Variants in DIDO1 observed in about 807,000 individuals in gnomAD.
DIDO1 encodes the protein death inducer-obliterator 1, also known as death-inducer obliterator 1.
A neutral mutation model predicts 99.4 loss-of-function variants in DIDO1; 16 were observed. That is an observed-to-expected ratio of 0.16 (90% CI 0.11 to 0.24). The LOEUF is 0.24. DIDO1 is among the 10% of genes least tolerant of loss of function. The pLI, the probability that DIDO1 is intolerant of heterozygous loss-of-function variation, is 1.00. For missense variants in DIDO1, 2,996 were observed against 3,014.0 expected (o/e 0.99, Z 0.14); for synonymous variants, 1,366 against 1,239.1 (o/e 1.10, Z -2.15).
In DIDO1 at chr20:62,894,971, G is replaced by A. The variant is rs1600942657; in HGVS notation, c.2332-57C>T. The A allele has an allele frequency of 2.8e-5, 44 of 1,598,010 alleles. No individual in the cohort carries two copies. The highest frequency in any genetic ancestry group is 6.6e-5 in the South Asian group (6 of 90,420). On this transcript the variant is annotated intron_variant, in intron 9 of 15. Transcript: ENST00000395343. This position sits in a 1 kb window ranked among gnomAD's most constrained non-coding sequence, Gnocchi z 4.4. The stretch of plus-strand genomic sequence containing the variant: ...CCTTGTTTTCTAGGAGGAAAGCATC[G>A]CTTATGCAGCCGTCTATGAATTTAT...
intron 3 of DIDO1, among the ~76,000 whole-genome samples, chr20:62,910,498 G>C (rs976557172): frequency 1.3e-5 from 2 of 152,186 alleles, no homozygotes; most frequent in Admixed American, 6.5e-5. Context: ...CGTCTACACA[G>C]AGCCACTGGC....
In DIDO1 at chr20:62,896,208, C is replaced by G. The variant is rs942992456; in HGVS notation, c.2214+25G>C. 1 of 1,607,656 alleles carries G rather than the reference C, an allele frequency of 6.2e-7. No individual in the cohort carries two copies. The highest frequency in any genetic ancestry group is 1.3e-5 in the African/African-American group (1 of 74,430). ...CCCAGCGAACAGAACAGGAATACTC[C>G]AATGCACCGACACCAGGCACACACC... On this transcript the variant is annotated intron_variant, in intron 8 of 15. Coordinates refer to ENST00000395343, the MANE Select transcript of DIDO1 (RefSeq NM_001193369.2). The surrounding 1 kb of genome is among the most constrained non-coding windows in gnomAD (Gnocchi z 4.4).
rs1412675432 is a variant in DIDO1, at chr20:62,891,070, C to A, written c.3431G>T (p.Gly1144Val). 6.2e-7 allele frequency: 1 copy of A among 1,614,182 alleles called. No homozygotes were observed. Among genetic ancestry groups the A allele is most frequent in the Admixed American group, 1.7e-5 (1 of 60,032 alleles). The change falls in exon 15 of 16, where the codon GGC becomes GTC. Residue 1144 changes from glycine (G) to valine (V), a missense_variant. Coordinates refer to ENST00000395343, the MANE Select transcript of DIDO1 (RefSeq NM_001193369.2). The stretch of plus-strand genomic sequence containing the variant: ...GTTATTAGCTACAACACCAAAGCGG[C>A]CACGGCTGCTGAAATAGGAGTAGAG... ...ISLYSYFSSR[G>V]RFGVVANNNR...
chr20:62,903,406 G>T (rs767991484), intron 6 of DIDO1, among the ~76,000 whole-genome samples: 25 of 152,154 alleles, frequency 1.6e-4, no homozygotes, highest in Admixed American at 7.9e-4. Context: ...GTGTGGTGAG[G>T]CAAGTGTGAG....
chr20:62,930,540 CAT>C (rs2065323002), upstream of DIDO1, among the ~76,000 whole-genome samples: 1 of 152,186 alleles, frequency 6.6e-6, no homozygotes, highest in African/African-American at 2.4e-5. Flanking sequence ...TTCTATGCGG[CAT>C]ATGAGAATCA....
At chr20:62,917,718 A>T (rs955751550) in intron 1 of DIDO1, among the ~76,000 whole-genome samples, 1 of 152,248 alleles carries the variant, frequency 6.6e-6, no homozygotes, top group African/African-American at 2.4e-5. Flanking sequence ...GAAAAAAATT[A>T]ATATTTACTG....
intron 15 of DIDO1, chr20:62,890,359 C>A: frequency 3.0e-6 from 3 of 986,694 alleles, no homozygotes; most frequent in Non-Finnish European, 2.4e-6. Context: ...CAACCCTTGA[C>A]AAAGATGTAT....
In DIDO1 at chr20:62,934,450, T is replaced by C. The variant is rs1427478461; in HGVS notation, c.-200+3346A>G. Among the ~76,000 whole-genome samples, 4 of 152,170 alleles carry C rather than the reference T, an allele frequency of 2.6e-5. No homozygotes were observed. The East Asian group carries it at 7.7e-4, about 29-fold the overall frequency. ...ACCTCCCTACTACATACTTCCAGGC[T>C]CTTCTCTGGCGTTCCCTATCCAGAG... On this transcript the variant is annotated intron_variant, in intron 1 of 15. Coordinates refer to the DIDO1 transcript ENST00000266070.
At chr20:62,905,169 G>C in intron 6 of DIDO1, 1 of 1,058,710 alleles carries the variant, frequency 9.4e-7, no homozygotes. Context: ...CAAGAGACGA[G>C]GGCAAGAAAG....
rs976746699 is a variant in DIDO1, at chr20:62,877,745, C to T, written c.*1488G>A. On this transcript the variant is annotated 3_prime_UTR_variant, in exon 16 of 16. Transcript: ENST00000395343. Reference sequence around the variant, plus strand: ...TGATGAAGACCCGAGACAGAAACTTCCTGTAGCTGTTTATTCTACTGCGAG... The same window carrying T: ...TGATGAAGACCCGAGACAGAAACTTTCTGTAGCTGTTTATTCTACTGCGAG... The T allele has an allele frequency of 6.6e-6, 1 of 152,228 alleles. No homozygotes were observed. The highest frequency in any genetic ancestry group is 1.5e-5 in the Non-Finnish European group (1 of 68,046). 9.4% of individuals were successfully genotyped at this position (152,228 alleles called of 1,614,324 possible). A position where few individuals can be genotyped will look rare whatever the true frequency, so the allele number is the denominator to read the frequency against.
chr20:62,885,288 G>T (rs538410671), intron 15 of DIDO1, among the ~76,000 whole-genome samples: 3 of 152,278 alleles, frequency 2.0e-5, no homozygotes, highest in African/African-American at 4.8e-5. Flanking sequence ...CTCGTGTGGG[G>T]AAGTTACCTG....
rs146807455 is a variant in DIDO1 at position 62,911,053 on chromosome 20, C to T, written c.560G>A (p.Arg187His). 3.6e-4 allele frequency: 576 copies of T among 1,613,704 alleles called. 5 individuals carry two copies. The African/African-American group carries it at 7.0e-3, about 20-fold the overall frequency. Residue 187 changes from arginine to histidine, a missense_variant, in exon 3 of 16, where the codon CGC becomes CAC. Arg to His is a conservative substitution (Grantham distance 29). Transcript: ENST00000395343. The surrounding 1 kb of genome is among the most constrained non-coding windows in gnomAD (Gnocchi z 7.0). Reference sequence around the variant, plus strand: ...CTCCTCCCGGCGCTTCTTCCGCAGGCGACTCTGGATCCCTTTCAGGGGCCT... The same window carrying T: ...CTCCTCCCGGCGCTTCTTCCGCAGGTGACTCTGGATCCCTTTCAGGGGCCT... ...TERPLKGIQSRLRKKRREEGP... is the reference protein window; with the variant it reads ...TERPLKGIQSHLRKKRREEGP...
Position 62,895,973 on chromosome 20 carries a change from G to A in DIDO1, c.2214+260C>T, listed in dbSNP as rs140495547. Among the ~76,000 whole-genome samples the A allele has an allele frequency of 4.0e-3, 606 of 152,330 alleles. 3 individuals are homozygous for A. Among genetic ancestry groups the A allele is most frequent in the African/African-American group, 0.014 (577 of 41,552 alleles). Reference sequence around the variant, plus strand: ...TGTACCTTTACAGCAATGTTTACAGGAGACTAATGTGGTGATAAAAGGTGG... The same window carrying A: ...TGTACCTTTACAGCAATGTTTACAGAAGACTAATGTGGTGATAAAAGGTGG... On this transcript the variant is annotated intron_variant, in intron 8 of 15. Transcript: ENST00000395343.
At chr20:62,929,698 T>C (rs1023072489), upstream of DIDO1, among the ~76,000 whole-genome samples, 4 of 119,154 alleles carry the variant, frequency 3.4e-5, no homozygotes, top group South Asian at 2.4e-4. Context: ...AAAAAGTGTA[T>C]ATATATATAT....
chr20:62,892,143 A>G (rs1240684368), intron 13 of DIDO1, 67 bp from the exon 14 acceptor site: 3 of 1,346,632 alleles, frequency 2.2e-6, no homozygotes, highest in Non-Finnish European at 3.1e-6. Context: ...GAATGCAGCC[A>G]TGTGAAGGCA....
At position 62,894,497 on chromosome 20, in the gene DIDO1, G is replaced by C. The variant is rs1490162773; in HGVS notation, c.2488C>G (p.Leu830Val). The C allele has an allele frequency of 6.2e-7, 1 of 1,613,372 alleles. No homozygotes were observed. Among genetic ancestry groups the C allele is most frequent in the African/African-American group, 1.3e-5 (1 of 75,030 alleles). ...TTCAACATGCTGCTGAAGACGTCGA[G>C]AAGCGGCGCTGTGCTCTTCTCAGGG... ...AVPEKSTAPL[L>V]DVFSSMLKDT... Residue 830 changes from leucine (L) to valine (V), a missense_variant, in exon 11 of 16, where the codon CTC (leucine) becomes GTC (valine). Physicochemically the swap from Leu to Val is conservative, Grantham distance 32 (BLOSUM62 1). Around this residue, in one of 5 missense-constraint regions of DIDO1, gnomAD observed 898 missense variants for 972.7 expected, o/e 0.92. Transcript: ENST00000395343. This position sits in a 1 kb window ranked among gnomAD's most constrained non-coding sequence, Gnocchi z 4.4.
intron 8 of DIDO1, among the ~76,000 whole-genome samples, chr20:62,895,647 C>T (rs2064502861): frequency 1.3e-5 from 2 of 152,158 alleles, no homozygotes; most frequent in African/African-American, 4.8e-5. Context: ...GCCTGGAGGC[C>T]GATGGAGAGA....
intron 6 of DIDO1, among the ~76,000 whole-genome samples, chr20:62,900,293 C>T (rs1403817218): frequency 5.3e-5 from 8 of 152,376 alleles, no homozygotes; most frequent in South Asian, 2.1e-4. Flanking sequence ...CTGTTGCTGC[C>T]GGGTCTGGGT....
chr20:62,937,715 G>C, intron 1 of DIDO1: 1 of 397,340 alleles, frequency 2.5e-6, no homozygotes, highest in Non-Finnish European at 4.4e-6. Flanking sequence ...CCCCGTCTGA[G>C]GGGCGGCCGC....
Sources: allele counts gnomAD v4.1 joint callset (sites outside exome capture counted in the v4.1 genomes callset), GRCh38; gene constraint gnomAD v4.1.1; regional missense constraint gnomAD v4.1.1; non-coding constraint Gnocchi (gnomAD v3.1); transcripts MANE v1.5; gene names NCBI Gene and HGNC (gene_info 2026-07-23, HGNC 2026-07-21).